The following NFIB variants were observed in gnomAD, a reference collection of about 807,000 sequenced individuals.
NFIB encodes the protein nuclear factor I B, also known as nuclear factor 1 B-type.
In NFIB, 11 loss-of-function variants were observed where a neutral mutation model predicts 61.5. The observed-to-expected ratio is 0.18, with a 90% CI of 0.11 to 0.30. The LOEUF (loss-of-function observed/expected upper bound fraction) is 0.30. Among genes scored for constraint, NFIB ranks in the 10% least tolerant of loss-of-function variants. The probability of loss-of-function intolerance (pLI) is 1.00; values close to 1 mark genes in which losing one functional copy is unlikely to be tolerated. For synonymous variants in NFIB, 260 were observed against 216.5 expected (o/e 1.20, Z -1.76); for missense variants, 471 against 608.9 (o/e 0.77, Z 2.38).
At chr9:14,175,455 T>C (rs1186050625) in intron 3 of NFIB, among the ~76,000 whole-genome samples, 1 of 152,152 alleles carries the variant, frequency 6.6e-6, no homozygotes, top group South Asian at 2.1e-4. Context: ...ATTACAGGCG[T>C]AAGACACCAC....
chr9:14,116,244 T>C lies in NFIB; in HGVS notation c.1348A>G (p.Met450Val). 2.0e-6 allele frequency: 3 copies of C among 1,537,828 alleles called. No individual in the cohort carries two copies. Among genetic ancestry groups the C allele is most frequent in the Non-Finnish European group, 1.8e-6 (2 of 1,139,900 alleles). Residue 450 changes from methionine to valine, a missense_variant, in exon 9 of 11, where the codon ATG (methionine) becomes GTG (valine). This residue lies in a region of NFIB where 372 missense variants were observed against 395.6 expected (regional missense o/e 0.94). Transcript: ENST00000380953. ...PSAVRPVTLS[M>V]TDTKPITTST... is the part of the protein sequence containing the mutation. ...GTAGTGATGGGTTTAGTATCTGTCA[T>C]GCTCAGGGTCACAGGTCGCACTGCA... is the stretch of plus-strand genomic sequence containing the variant.
At chr9:14,359,724 A>T (rs1158939252) in intron 1 of NFIB, among the ~76,000 whole-genome samples, 1 of 152,118 alleles carries the variant, frequency 6.6e-6, no homozygotes, top group Non-Finnish European at 1.5e-5. Flanking sequence ...GGCAATGGGA[A>T]CTCAGCTTCT....
chr9:14,088,143 T>G lies in NFIB; in HGVS notation c.*166A>C. Reference sequence around the variant, plus strand: ...TTTTGTCCAGTCTTCCTCTTTTCCTTTTTTTTTATTTAAAAAAAAAATTTC... The same window carrying G: ...TTTTGTCCAGTCTTCCTCTTTTCCTGTTTTTTTATTTAAAAAAAAAATTTC... On this transcript the variant is annotated 3_prime_UTR_variant, in exon 11 of 11. Transcript: ENST00000380953. 1 of 1,380,296 alleles carries G rather than the reference T, an allele frequency of 7.2e-7. No homozygotes were observed. The highest frequency in any genetic ancestry group is 9.6e-7 in the Non-Finnish European group (1 of 1,045,762). The allele number at this position is 1,380,296 out of a possible 1,614,324, so 85.5% of individuals were successfully genotyped here. A position where few individuals can be genotyped will look rare whatever the true frequency, so the allele number is the denominator to read the frequency against.
At chr9:14,108,423 G>T (rs2036877674) in intron 10 of NFIB, among the ~76,000 whole-genome samples, 1 of 152,034 alleles carries the variant, frequency 6.6e-6, no homozygotes, top group Non-Finnish European at 1.5e-5. Context: ...TCCTACAGAA[G>T]TAATTTCTTA....
intron 2 of NFIB, among the ~76,000 whole-genome samples, chr9:14,189,121 T>TG (rs1461186449): frequency 6.6e-6 from 1 of 152,222 alleles, no homozygotes; most frequent in African/African-American, 2.4e-5. Flanking sequence ...TGGTTTATCC[T>TG]GGAGTCTTCA....
At chr9:14,523,863 T>C in the NFIB span, among the ~76,000 whole-genome samples, 29 of 152,330 alleles carry the variant, frequency 1.9e-4, no homozygotes, top group African/African-American at 6.5e-4. Context: ...CTTATTGCTT[T>C]TGCTATGGGC....
At chr9:14,257,236 T>C (rs781664377) in intron 2 of NFIB, among the ~76,000 whole-genome samples, 2 of 152,066 alleles carry the variant, frequency 1.3e-5, no homozygotes, top group Admixed American at 6.5e-5. Flanking sequence ...GATACACATA[T>C]ATAAAACTGA....
the NFIB span, among the ~76,000 whole-genome samples, chr9:14,422,424 C>T: frequency 6.6e-6 from 1 of 152,198 alleles, no homozygotes; most frequent in Admixed American, 6.5e-5. Context: ...TCTGCCTGCT[C>T]TAAGTATTCT....
At chr9:14,420,864 T>G in the NFIB span, among the ~76,000 whole-genome samples, 3 of 152,196 alleles carry the variant, frequency 2.0e-5, no homozygotes, top group Admixed American at 6.5e-5. Flanking sequence ...CAAGGCTGAC[T>G]TAATTGCCAT....
chr9:14,170,137 G>A (rs2045403680), intron 3 of NFIB, among the ~76,000 whole-genome samples: 2 of 152,194 alleles, frequency 1.3e-5, no homozygotes, highest in East Asian at 3.9e-4. Flanking sequence ...AGTCCAGCGA[G>A]CTTAACTTCT....
chr9:14,277,835 T>A (rs939866816), intron 2 of NFIB, among the ~76,000 whole-genome samples: 1 of 152,198 alleles, frequency 6.6e-6, no homozygotes, highest in African/African-American at 2.4e-5. Flanking sequence ...ACCCTCCTTT[T>A]TTCTCACAAA....
intron 3 of NFIB, among the ~76,000 whole-genome samples, chr9:14,175,167 CTTT>C (rs55765054): frequency 5.6e-5 from 7 of 126,046 alleles, no homozygotes; most frequent in African/African-American, 2.3e-4. Flanking sequence ...TAAAGAATTT[CTTT>C]TTTTTTTTTT....
chr9:14,365,433 G>T (rs1386646280), intron 1 of NFIB, among the ~76,000 whole-genome samples: 1 of 152,174 alleles, frequency 6.6e-6, no homozygotes, highest in Admixed American at 6.5e-5. Flanking sequence ...CCAGACCATG[G>T]CTATTCTGTC....
At chr9:14,130,416 G>T (rs1430574407) in intron 6 of NFIB, among the ~76,000 whole-genome samples, 1 of 152,050 alleles carries the variant, frequency 6.6e-6, no homozygotes, top group Non-Finnish European at 1.5e-5. Context: ...CTTATTCCAC[G>T]CATAGAACAA....
intron 10 of NFIB, among the ~76,000 whole-genome samples, chr9:14,108,020 T>C (rs868334344): frequency 6.6e-6 from 1 of 152,198 alleles, no homozygotes; most frequent in African/African-American, 2.4e-5. Flanking sequence ...AGACAGACAA[T>C]GGAAGGATTT....
At chr9:14,415,289 C>A in the NFIB span, among the ~76,000 whole-genome samples, 1 of 152,210 alleles carries the variant, frequency 6.6e-6, no homozygotes, top group South Asian at 2.1e-4. Context: ...CTTACTTCAT[C>A]AAGCCAGCAA....
At chr9:14,416,881 T>C in the NFIB span, among the ~76,000 whole-genome samples, 1 of 144,966 alleles carries the variant, frequency 6.9e-6, no homozygotes, top group East Asian at 1.9e-4. Context: ...TGTATAGGTA[T>C]ACTATTTTTA....
chr9:14,298,818 C>T (rs918645934), intron 2 of NFIB, among the ~76,000 whole-genome samples: 7 of 152,174 alleles, frequency 4.6e-5, no homozygotes, highest in African/African-American at 1.4e-4. Context: ...AGCAACTTAG[C>T]CAGGGCGTAA....
chr9:14,504,407 A>G, the NFIB span, among the ~76,000 whole-genome samples: 6 of 152,026 alleles, frequency 3.9e-5, no homozygotes, highest in Non-Finnish European at 8.8e-5. Context: ...GAATTTGTAG[A>G]TTGCTTTTGG....
Sources: allele counts gnomAD v4.1 joint callset (sites outside exome capture counted in the v4.1 genomes callset), GRCh38; gene constraint gnomAD v4.1.1; regional missense constraint gnomAD v4.1.1; transcripts MANE v1.5; gene names NCBI Gene and HGNC (gene_info 2026-07-23, HGNC 2026-07-21).